NKAIN2: variants seen among roughly 807,000 people sequenced by gnomAD.
NKAIN2 encodes sodium/potassium transporting ATPase interacting 2, also known as sodium/potassium-transporting ATPase subunit beta-1-interacting protein 2.
Under a neutral mutation model 32.6 loss-of-function variants are expected in NKAIN2, and 14 were observed. That is an observed-to-expected ratio of 0.43 (90% CI 0.28 to 0.67). The LOEUF (loss-of-function observed/expected upper bound fraction) is 0.67, where lower values mean the gene tolerates loss of function less well. Among genes scored for constraint, NKAIN2 ranks in the 30% least tolerant of loss-of-function variants. The pLI is 0.17. For missense variants in NKAIN2, 198 were observed against 258.3 expected (o/e 0.77, Z 1.60); for synonymous variants, 80 against 87.2 (o/e 0.92, Z 0.46).
chr6:124,200,722 CT>C (rs2114624019), intron 1 of NKAIN2, among the ~76,000 whole-genome samples: 1 of 152,146 alleles, frequency 6.6e-6, no homozygotes, highest in Non-Finnish European at 1.5e-5. Flanking sequence ...GTGCACTGTA[CT>C]TTGAAGTTCA....
chr6:124,435,492 A>G (rs1775403466), intron 3 of NKAIN2, among the ~76,000 whole-genome samples: 1 of 152,168 alleles, frequency 6.6e-6, no homozygotes, highest in African/African-American at 2.4e-5. Context: ...GATTCTCACA[A>G]CAATCCTATG....
intron 3 of NKAIN2, among the ~76,000 whole-genome samples, chr6:124,514,906 T>C (rs940613346): frequency 6.6e-6 from 1 of 152,144 alleles, no homozygotes; most frequent in Non-Finnish European, 1.5e-5. Context: ...TTCACTGACC[T>C]TTATCCACTA....
At chr6:124,815,289 T>TATATGTGTA (rs1781111652) in intron 5 of NKAIN2, among the ~76,000 whole-genome samples, 1 of 149,486 alleles carries the variant, frequency 6.7e-6, no homozygotes. Context: ...TATGTATATA[T>TATATGTGTA]TTGAGACGGA....
intron 2 of NKAIN2, among the ~76,000 whole-genome samples, chr6:124,332,128 C>T (rs572816868): frequency 6.6e-6 from 1 of 152,122 alleles, no homozygotes; most frequent in African/African-American, 2.4e-5. Flanking sequence ...TAAGTGCAAA[C>T]TTTGAACTGC....
At chr6:123,848,052 A>C (rs1775165842) in intron 1 of NKAIN2, among the ~76,000 whole-genome samples, 1 of 152,218 alleles carries the variant, frequency 6.6e-6, no homozygotes, top group African/African-American at 2.4e-5. Context: ...CTTTATCGAA[A>C]AGCCATCATA....
chr6:124,257,780 CTTT>C (rs374874073), intron 1 of NKAIN2, among the ~76,000 whole-genome samples: 4 of 136,190 alleles, frequency 2.9e-5, no homozygotes, highest in Admixed American at 1.5e-4. Context: ...TTTTTCTTTT[CTTT>C]TTTTTTTTTT....
chr6:124,251,470 C>A lies in NKAIN2; in HGVS notation c.55-31535C>A, dbSNP rs995808874. Among the ~76,000 whole-genome samples the A allele has an allele frequency of 2.6e-5, 4 of 151,584 alleles. No homozygotes were observed. The East Asian group carries it at 7.7e-4, about 29-fold the overall frequency. On this transcript the variant is annotated intron_variant, in intron 1 of 6. Coordinates refer to ENST00000368417, the MANE Select transcript of NKAIN2 (RefSeq NM_001040214.3). ...GCACCACAACAAAAAGATTAATTTACCAAATATGTAAAAAACTTATATAAC... is the reference window on the plus strand; with the variant it reads ...GCACCACAACAAAAAGATTAATTTAACAAATATGTAAAAAACTTATATAAC...
chr6:124,670,680 T>TGTGTGTG (rs1554248182), intron 4 of NKAIN2, among the ~76,000 whole-genome samples: 15 of 151,320 alleles, frequency 9.9e-5, no homozygotes, highest in East Asian at 2.0e-4. Context: ...TGTGTGTGTG[T>TGTGTGTG]TGCATAATAG....
At chr6:124,406,006 C>T (rs1773840737) in intron 3 of NKAIN2, among the ~76,000 whole-genome samples, 1 of 92,712 alleles carries the variant, frequency 1.1e-5, no homozygotes, top group South Asian at 2.9e-4. Context: ...TCATTCATTA[C>T]CACCACGGTG....
intron 1 of NKAIN2, among the ~76,000 whole-genome samples, chr6:124,022,902 C>T (rs1343628824): frequency 2.6e-5 from 4 of 151,954 alleles, no homozygotes; most frequent in Non-Finnish European, 5.9e-5. Context: ...CAAACACAGT[C>T]ATTTTTATTA....
intron 1 of NKAIN2, among the ~76,000 whole-genome samples, chr6:124,232,943 G>A (rs556632439): frequency 6.6e-6 from 1 of 152,178 alleles, no homozygotes; most frequent in African/African-American, 2.4e-5. Flanking sequence ...CAAGGTAATT[G>A]CAACCCTTAT....
intron 1 of NKAIN2, among the ~76,000 whole-genome samples, chr6:124,061,161 C>A (rs1378022136): frequency 6.6e-6 from 1 of 152,012 alleles, no homozygotes; most frequent in East Asian, 1.9e-4. Flanking sequence ...CAAATTGCAG[C>A]ATGTTTTGGA....
intron 1 of NKAIN2, among the ~76,000 whole-genome samples, chr6:124,077,699 G>A (rs1045922804): frequency 6.6e-6 from 1 of 151,858 alleles, no homozygotes; most frequent in Admixed American, 6.6e-5. Flanking sequence ...TGGGCTCAAG[G>A]AATCCTCTAG....
At chr6:123,850,102 C>T (rs943025340) in intron 1 of NKAIN2, among the ~76,000 whole-genome samples, 2 of 151,208 alleles carry the variant, frequency 1.3e-5, no homozygotes, top group African/African-American at 4.9e-5. Flanking sequence ...GCCCGCATGC[C>T]GAGCTGCTTT....
intron 1 of NKAIN2, among the ~76,000 whole-genome samples, chr6:123,911,785 A>ATGTG: frequency 1.1e-5 from 1 of 89,672 alleles, no homozygotes; most frequent in South Asian, 3.3e-4. Context: ...ATACATACAT[A>ATGTG]TATATATATA....
intron 1 of NKAIN2, among the ~76,000 whole-genome samples, chr6:124,074,221 T>A (rs1783589878): frequency 6.6e-6 from 1 of 152,158 alleles, no homozygotes; most frequent in Non-Finnish European, 1.5e-5. Flanking sequence ...GCGTTCAGGG[T>A]TTTTTAAATT....
At chr6:124,252,500 G>A (rs1793731801) in intron 1 of NKAIN2, among the ~76,000 whole-genome samples, 1 of 151,890 alleles carries the variant, frequency 6.6e-6, no homozygotes, top group Admixed American at 6.6e-5. Context: ...GCACACATGG[G>A]GACTTCTAAC....
intron 3 of NKAIN2, among the ~76,000 whole-genome samples, chr6:124,541,778 G>C (rs1011417965): frequency 1.3e-5 from 2 of 152,142 alleles, no homozygotes; most frequent in African/African-American, 2.4e-5. Context: ...CGTCTCCTTG[G>C]AGACATCCAT....
intron 4 of NKAIN2, among the ~76,000 whole-genome samples, chr6:124,722,376 T>A (rs771323882): frequency 1.3e-5 from 2 of 152,208 alleles, no homozygotes; most frequent in Non-Finnish European, 2.9e-5. Context: ...TTTTAATAGT[T>A]TAAGGCAGCA....
Sources: gnomAD v4.1 joint callset for allele counts (sites outside exome capture counted in the v4.1 genomes callset) on GRCh38, gnomAD v4.1.1 for gene constraint, MANE v1.5 for transcripts, NCBI Gene and HGNC (gene_info 2026-07-23, HGNC 2026-07-21) for gene names.